Variants in RXRA observed in about 807,000 individuals in gnomAD.
RXRA encodes retinoic acid receptor RXR-alpha.
Under a neutral mutation model 44.5 loss-of-function variants are expected in RXRA, and 5 were observed. That is an observed-to-expected ratio of 0.11 (90% CI 0.06 to 0.24). The LOEUF is 0.24. RXRA is among the 10% of genes least tolerant of loss of function. The pLI is 1.00. For missense variants in RXRA, 412 were observed against 646.5 expected (o/e 0.64, Z 3.93); for synonymous variants, 291 against 271.4 (o/e 1.07, Z -0.71).
At chr9:134,353,677 G>C (rs534348081) in intron 1 of RXRA, among the ~76,000 whole-genome samples, 1 of 152,240 alleles carries the variant, frequency 6.6e-6, no homozygotes, top group Non-Finnish European at 1.5e-5. Flanking sequence ...TGGCAGGGCA[G>C]AGGTGCCCTT....
At chr9:134,364,570 G>A (rs1394427897) in intron 1 of RXRA, among the ~76,000 whole-genome samples, 1 of 152,216 alleles carries the variant, frequency 6.6e-6, no homozygotes, top group African/African-American at 2.4e-5. Context: ...GGTTCTGGTG[G>A]GGCCTCACCT....
intron 1 of RXRA, among the ~76,000 whole-genome samples, chr9:134,390,257 C>T (rs1331654061): frequency 6.6e-6 from 1 of 152,160 alleles, no homozygotes; most frequent in African/African-American, 2.4e-5. Flanking sequence ...TAGAAGTGGC[C>T]AAGTTCAGAC....
intron 1 of RXRA, among the ~76,000 whole-genome samples, chr9:134,380,959 C>T (rs907239227): frequency 8.5e-5 from 13 of 152,180 alleles, no homozygotes; most frequent in African/African-American, 3.1e-4. Flanking sequence ...AGGGGGTGCC[C>T]CTCACTGTAC....
chr9:134,387,505 TA>T (rs1388843532), intron 1 of RXRA, among the ~76,000 whole-genome samples: 3 of 152,204 alleles, frequency 2.0e-5, no homozygotes, highest in African/African-American at 7.2e-5. Flanking sequence ...AATTTGTAAA[TA>T]TTTAGCCCAG....
chr9:134,391,925 CCA>C (rs1290201780), intron 1 of RXRA, among the ~76,000 whole-genome samples: 1 of 152,226 alleles, frequency 6.6e-6, no homozygotes, highest in East Asian at 1.9e-4. Context: ...CCCCTTGTCA[CCA>C]CACTTCTGTG....
In RXRA at chr9:134,433,422, G is replaced by A. The variant is rs144315941; in HGVS notation, c.1136-680G>A. Among the ~76,000 whole-genome samples, 1,054 of 151,764 alleles carry A rather than the reference G, an allele frequency of 6.9e-3. 3 individuals are homozygous for A. The highest frequency in any genetic ancestry group is 0.028 in the Middle Eastern group (8 of 290). On this transcript the variant is annotated intron_variant, in intron 8 of 9. Coordinates refer to ENST00000481739, the MANE Select transcript of RXRA (RefSeq NM_002957.6). The surrounding 1 kb of genome is among the most constrained non-coding windows in gnomAD (Gnocchi z 4.2). ...GGCACAGGCATGCAGGGAGGGCGAG[G>A]AGACTGGCTGGAGCGGAGGCAGCTG...
intron 9 of RXRA, among the ~76,000 whole-genome samples, chr9:134,434,811 C>T (rs1831588599): frequency 6.9e-6 from 1 of 145,886 alleles, no homozygotes; most frequent in South Asian, 2.2e-4. Flanking sequence ...GATTCTGCCT[C>T]TTCTCTCTAA....
In RXRA at chr9:134,431,944, G is replaced by C. The variant is rs1482474200; in HGVS notation, c.1083G>C (p.Gln361His). Residue 361 changes from glutamine (Q) to histidine (H), a missense_variant, in exon 8 of 10, where the codon CAG becomes CAC. Physicochemically the swap from Gln to His is conservative, Grantham distance 24 (BLOSUM62 0). Coordinates refer to ENST00000481739, the MANE Select transcript of RXRA (RefSeq NM_002957.6). ...TTGTGTCCAAGATGCGGGACATGCA[G>C]ATGGACAAGACGGAGCTGGGCTGCC... ...TELVSKMRDM[Q>H]MDKTELGCLR... The C allele has an allele frequency of 1.2e-6, 2 of 1,613,878 alleles. No individual in the cohort carries two copies. The highest frequency in any genetic ancestry group is 3.3e-5 in the Admixed American group (2 of 60,006).
Position 134,343,703 on chromosome 9 carries a change from A to G in RXRA, c.28+17044A>G, listed in dbSNP as rs1554748360. On this transcript the variant is annotated intron_variant, in intron 1 of 9. Coordinates refer to ENST00000481739, the MANE Select transcript of RXRA (RefSeq NM_002957.6). This position sits in a 1 kb window ranked among gnomAD's most constrained non-coding sequence, Gnocchi z 4.1. Reference sequence around the variant, plus strand: ...GACCGTGTGCACTTGGTGGACTGCCACGGGCCTGGGGGCCTCGGGACCAAC... The same window carrying G: ...GACCGTGTGCACTTGGTGGACTGCCGCGGGCCTGGGGGCCTCGGGACCAAC... Among the ~76,000 whole-genome samples the G allele has an allele frequency of 6.6e-5, 10 of 152,210 alleles. No individual in the cohort carries two copies. In the South Asian group the frequency reaches 2.1e-3, roughly 32 times the overall value.
chr9:134,341,209 C>G lies in RXRA; in HGVS notation c.28+14550C>G, dbSNP rs561535188. ...ATGGCACGCTCCCTCGTTCCCTGCA[C>G]CCCAGTGCTGATGAGGAGGCCGAGC... On this transcript the variant is annotated intron_variant, in intron 1 of 9. Transcript: ENST00000481739. 5.8e-4 allele frequency among the ~76,000 whole-genome samples: 88 copies of G among 152,328 alleles called. 1 individual carries two copies. Among genetic ancestry groups the G allele is most frequent in the African/African-American group, 2.1e-3 (88 of 41,576 alleles).
At chr9:134,334,406 T>C (rs1554747047) in intron 1 of RXRA, among the ~76,000 whole-genome samples, 1 of 152,264 alleles carries the variant, frequency 6.6e-6, no homozygotes, top group African/African-American at 2.4e-5. Context: ...ATCCAGCTCC[T>C]GGTTTCCTGT....
intron 1 of RXRA, among the ~76,000 whole-genome samples, chr9:134,327,410 A>G (rs1289776201): frequency 1.3e-5 from 2 of 152,030 alleles, no homozygotes; most frequent in Non-Finnish European, 2.9e-5. Flanking sequence ...CGCCAACTCC[A>G]GGCCCAGACC....
intron 1 of RXRA, among the ~76,000 whole-genome samples, chr9:134,367,258 G>A (rs1271870786): frequency 6.6e-6 from 1 of 152,140 alleles, no homozygotes; most frequent in African/African-American, 2.4e-5. Flanking sequence ...TGCCTGGTCT[G>A]GCGTTTGTGA....
In RXRA at chr9:134,365,589, G is replaced by A. The variant is rs1486073997; in HGVS notation, c.29-36043G>A. Among the ~76,000 whole-genome samples the A allele has an allele frequency of 6.6e-6, 1 of 152,172 alleles. No homozygotes were observed. Among genetic ancestry groups the A allele is most frequent in the Non-Finnish European group, 1.5e-5 (1 of 68,024 alleles). On this transcript the variant is annotated intron_variant, in intron 1 of 9. Coordinates refer to ENST00000481739, the MANE Select transcript of RXRA (RefSeq NM_002957.6). This position sits in a 1 kb window ranked among gnomAD's most constrained non-coding sequence, Gnocchi z 4.0. ...TGGTAGGGGGTGATCTGCTTGTCCA[G>A]TGGTTTCTGTGGCTTTTCTGGGGTC...
chr9:134,402,227 C>T (rs1192180121), intron 2 of RXRA: 4 of 315,730 alleles, frequency 1.3e-5, no homozygotes, highest in Non-Finnish European at 2.3e-5. Flanking sequence ...CCTAAGCCTG[C>T]TTCCCCAAAA....
At chr9:134,384,820 C>T (rs1310720734) in intron 1 of RXRA, among the ~76,000 whole-genome samples, 1 of 152,320 alleles carries the variant, frequency 6.6e-6, no homozygotes, top group South Asian at 2.1e-4. Context: ...TGTGCTCAGG[C>T]GGGGCAGTGC....
chr9:134,374,712 G>A (rs754513663), intron 1 of RXRA, among the ~76,000 whole-genome samples: 3 of 152,232 alleles, frequency 2.0e-5, no homozygotes, highest in Admixed American at 6.5e-5. Flanking sequence ...GCCTCCTGGC[G>A]ACTTCCTTCT....
chr9:134,438,940 C>G lies in RXRA; in HGVS notation c.*2326C>G, dbSNP rs1252257177. On this transcript the variant is annotated 3_prime_UTR_variant, in exon 10 of 10. Transcript: ENST00000481739. ...CCTCCCTGGCCACAGCAGCCTTACC[C>G]ACCGCTCTACGTGTCCCGGGCACTT... 1 of 152,316 alleles carries G rather than the reference C, an allele frequency of 6.6e-6. No individual in the cohort carries two copies. The highest frequency in any genetic ancestry group is 1.5e-5 in the Non-Finnish European group (1 of 68,106). 9.4% of individuals were successfully genotyped at this position (152,316 alleles called of 1,614,324 possible).
chr9:134,425,113 C>G (rs986198086), intron 6 of RXRA: 2 of 985,286 alleles, frequency 2.0e-6, no homozygotes, highest in African/African-American at 3.5e-5. Flanking sequence ...GGGGAGTGTC[C>G]ACCTGTGGCT....
Sources: allele counts gnomAD v4.1 joint callset (sites outside exome capture counted in the v4.1 genomes callset), GRCh38; gene constraint gnomAD v4.1.1; non-coding constraint Gnocchi (gnomAD v3.1); transcripts MANE v1.5; gene names NCBI Gene and HGNC (gene_info 2026-07-23, HGNC 2026-07-21).